Variants in AP5Z1 observed in about 807,000 individuals in gnomAD.
The protein encoded by AP5Z1 is AP-5 complex subunit zeta-1.
Under a neutral mutation model 83.0 loss-of-function variants are expected in AP5Z1, and 106 were observed. That is an observed-to-expected ratio of 1.28 (90% CI 1.09 to 1.50). The LOEUF is 1.50. AP5Z1 is among the 40% of genes most tolerant of loss of function. The probability of loss-of-function intolerance (pLI) is 0.00; values close to 1 mark genes in which losing one functional copy is unlikely to be tolerated. For synonymous variants in AP5Z1, 751 were observed against 514.1 expected (o/e 1.46, Z -6.23); for missense variants, 1,565 against 1,094.2 (o/e 1.43, Z -6.07).
At position 4,783,369 on chromosome 7, in the gene AP5Z1, G is replaced by A. The variant is rs776181756; in HGVS notation, c.420G>A (p.Leu140=). 130 of 1,612,968 alleles carry A rather than the reference G, an allele frequency of 8.1e-5. No homozygotes were observed. The highest frequency in any genetic ancestry group is 1.9e-5 in the Non-Finnish European group (22 of 1,179,802). The change falls in exon 4 of 17, where the codon CTG becomes CTA. Residue 140 remains leucine, a synonymous_variant. Transcript: ENST00000649063. ...TGGGCCAGGGCGTGCTACGAGCGCT[G>A]GAGAGCCGGCAGCCTGAGGGACCCA... is the stretch of plus-strand genomic sequence containing the variant. ...RAVGQGVLRA[L]ESRQPEGPSL... is the part of the protein sequence containing the mutation.
At chr7:4,776,070 C>A (rs973571827) in intron 1 of AP5Z1, among the ~76,000 whole-genome samples, 2 of 152,180 alleles carry the variant, frequency 1.3e-5, no homozygotes, top group Admixed American at 6.5e-5. Context: ...GGCAGGAAAT[C>A]GGGCAGCCGG....
At chr7:4,775,963 A>T (rs1411515093) in intron 1 of AP5Z1, among the ~76,000 whole-genome samples, 3 of 151,914 alleles carry the variant, frequency 2.0e-5, no homozygotes, top group African/African-American at 7.3e-5. Flanking sequence ...TCCCCGGAGG[A>T]GGTGACACTT....
At chr7:4,779,469 AT>A (rs1781322282) in intron 1 of AP5Z1, among the ~76,000 whole-genome samples, 5 of 146,328 alleles carry the variant, frequency 3.4e-5, no homozygotes, top group Non-Finnish European at 6.0e-5. Context: ...TATATATTAT[AT>A]TATATATATA....
rs762066700 is a variant in AP5Z1, at chr7:4,785,585, C to G, written c.1033C>G (p.Arg345Gly). 7 of 1,604,306 alleles carry G rather than the reference C, an allele frequency of 4.4e-6. No homozygotes were observed. Among genetic ancestry groups the G allele is most frequent in the Non-Finnish European group, 4.2e-6 (5 of 1,176,770 alleles). Residue 345 changes from arginine to glycine, a missense_variant, in exon 9 of 17, where the codon CGA becomes GGA. Arg to Gly is a moderately radical substitution (Grantham distance 125). Transcript: ENST00000649063. The stretch of plus-strand genomic sequence containing the variant: ...CCGGCAGGACCCGTCCTTCCTGTAC[C>G]GAAGTCTCTCCTGCCTGAAGGCCCT... The part of the protein sequence containing the change: ...LCRQDPSFLY[R>G]SLSCLKALHG...
rs932885728 is a variant in AP5Z1 at position 4,783,176 on chromosome 7, C to T, written c.367-140C>T. ...CCTTGTGGCCCGGGGTGGGCCTGCGCGGGACATCCTCCCTGCCACCTGCTA... is the reference window on the plus strand; with the variant it reads ...CCTTGTGGCCCGGGGTGGGCCTGCGTGGGACATCCTCCCTGCCACCTGCTA... On this transcript the variant is annotated intron_variant, in intron 3 of 16. Transcript: ENST00000649063. The T allele has an allele frequency of 1.9e-5, 25 of 1,319,638 alleles. No homozygotes were observed. The East Asian group carries it at 4.4e-4, about 23-fold the overall frequency. 81.7% of individuals were successfully genotyped at this position (1,319,638 alleles called of 1,614,324 possible). A position where few individuals can be genotyped will look rare whatever the true frequency, so the allele number is the denominator to read the frequency against.
chr7:4,783,252 G>A (rs1004699048), intron 3 of AP5Z1, 64 bp from the exon 4 acceptor site: 46 of 1,497,930 alleles, frequency 3.1e-5, no homozygotes, highest in South Asian at 9.0e-5. Context: ...ACAGACTTCC[G>A]AAATGGGGGA....
chr7:4,790,394 T>G (rs935432334), intron 14 of AP5Z1, 65 bp from the exon 15 acceptor site: 1 of 1,609,596 alleles, frequency 6.2e-7, no homozygotes, highest in African/African-American at 1.3e-5. Flanking sequence ...TCCAGGCCCT[T>G]GGCCTGGATG....
Position 4,786,396 on chromosome 7 carries a change from AC to A in AP5Z1, c.1282del (p.Leu428SerfsTer3). The A allele has an allele frequency of 6.2e-7, 1 of 1,613,786 alleles. No homozygotes were observed. Among genetic ancestry groups the A allele is most frequent in the Non-Finnish European group, 8.5e-7 (1 of 1,179,818 alleles). ...NLHLFSGHLS[T>X]LRLSFPNLFK... ...CCACCTGTTCAGCGGGCACCTCAGCACCCTCAGATTGAGCTTCCCCAACCTC... is the reference window on the plus strand; with the variant it reads ...CCACCTGTTCAGCGGGCACCTCAGCACCTCAGATTGAGCTTCCCCAACCTC... On this transcript the variant is annotated frameshift_variant, in exon 10 of 17. Transcript: ENST00000649063. LOFTEE classifies it high-confidence loss of function.
chr7:4,791,133 A>G lies in AP5Z1; in HGVS notation c.2172A>G (p.Ser724=). 1 of 1,603,146 alleles carries G rather than the reference A, an allele frequency of 6.2e-7. No homozygotes were observed. The highest frequency in any genetic ancestry group is 8.5e-7 in the Non-Finnish European group (1 of 1,174,164). ...TCCCCAGGGCCTCTTTATTGCTGTC[A>G]AAGATGAGGACCCTGGCTCACAGTC... is the stretch of plus-strand genomic sequence containing the variant. The part of the protein sequence containing the change: ...DLIPRASLLL[S]KMRTLAHSPA... The change falls in exon 17 of 17, where the codon TCA becomes TCG. Residue 724 remains serine (S), a synonymous_variant. Transcript: ENST00000649063.
In AP5Z1 at chr7:4,785,054, TCC is replaced by T; in HGVS notation, c.931+10_931+11del. 2 of 1,590,822 alleles carry T rather than the reference TCC, an allele frequency of 1.3e-6. No individual in the cohort carries two copies. The highest frequency in any genetic ancestry group is 1.7e-6 in the Non-Finnish European group (2 of 1,165,142). The stretch of plus-strand genomic sequence containing the variant: ...CATTGAGCAAAGTAACCGACGTGAG[TCC>T]CCCACCCAGGGCACTGGCCTCCCCA... On this transcript the variant is annotated splice_region_variant and intron_variant, in intron 7 of 16. Coordinates refer to ENST00000649063, the MANE Select transcript of AP5Z1 (RefSeq NM_014855.3).
rs61750324 is a variant in AP5Z1, at chr7:4,790,698, C to T, written c.1964C>T (p.Ser655Leu). The change falls in exon 16 of 17, where the codon TCG becomes TTG. Residue 655 changes from serine (S) to leucine (L), a missense_variant. Transcript: ENST00000649063. ...SVVWAIGEYL[S>L]VTYDRRCTVE... is the part of the protein sequence containing the mutation. ...GTGTGGGCCATCGGCGAGTACCTGT[C>T]GGTGACCTACGATCGGAGGTGCACC... 803 of 1,611,398 alleles carry T rather than the reference C, an allele frequency of 5.0e-4. 5 individuals are homozygous for T. The highest frequency in any genetic ancestry group is 6.4e-4 in the Non-Finnish European group (751 of 1,179,542).
chr7:4,787,467 C>T (rs970802644), intron 10 of AP5Z1, 167 bp from the exon 11 acceptor site: 3 of 1,046,232 alleles, frequency 2.9e-6, no homozygotes, highest in African/African-American at 1.6e-5. Context: ...GCCTGGGCGA[C>T]AGAGCAAGAC....
chr7:4,786,332 G>T lies in AP5Z1; in HGVS notation c.1215G>T (p.Met405Ile). 2 of 1,613,948 alleles carry T rather than the reference G, an allele frequency of 1.2e-6. No individual in the cohort carries two copies. The highest frequency in any genetic ancestry group is 1.7e-6 in the Non-Finnish European group (2 of 1,179,862). Residue 405 changes from methionine (M) to isoleucine (I), a missense_variant, in exon 10 of 17, where the codon ATG becomes ATT. Transcript: ENST00000649063. ...CGGTGGAGCAGTTCCACAGCCCCAT[G>T]CTGGCCTTTGAATTCATCCAGTTCT... The part of the protein sequence containing the change: ...RIPVEQFHSP[M>I]LAFEFIQFCR...
At chr7:4,789,598 G>A (rs1781681340) in intron 13 of AP5Z1, among the ~76,000 whole-genome samples, 1 of 152,234 alleles carries the variant, frequency 6.6e-6, no homozygotes, top group African/African-American at 2.4e-5. Flanking sequence ...TGGCAGAGGA[G>A]CCGTGGAACA....
intron 14 of AP5Z1, 182 bp from the exon 15 acceptor site, chr7:4,790,277 C>T: frequency 3.2e-6 from 5 of 1,543,610 alleles, no homozygotes; most frequent in African/African-American, 1.4e-5. Flanking sequence ...AGCGCTGGTG[C>T]CAGCCTTCTC....
rs1781451566 is a variant in AP5Z1 at position 4,783,760 on chromosome 7, C to T, written c.583C>T (p.His195Tyr). Residue 195 changes from histidine (H) to tyrosine (Y), a missense_variant, in exon 5 of 17, where the codon CAC becomes TAC. Coordinates refer to ENST00000649063, the MANE Select transcript of AP5Z1 (RefSeq NM_014855.3). ...RYASLQQGLP[H>Y]SGGFFSTPRA... ...CGCCAGCCTCCAGCAAGGGCTCCCA[C>T]ACTCCGGCGGCTTCTTCTCCACGCC... is the stretch of plus-strand genomic sequence containing the variant. 1.9e-6 allele frequency: 3 copies of T among 1,550,588 alleles called. No homozygotes were observed. Among genetic ancestry groups the T allele is most frequent in the African/African-American group, 1.4e-5 (1 of 73,062 alleles).
At chr7:4,789,390 C>T (rs1488360283) in intron 13 of AP5Z1, among the ~76,000 whole-genome samples, 1 of 152,102 alleles carries the variant, frequency 6.6e-6, no homozygotes, top group Non-Finnish European at 1.5e-5. Context: ...GATAATTCAG[C>T]ATCCCCATCT....
At chr7:4,777,979 G>T (rs1318412452) in intron 1 of AP5Z1, among the ~76,000 whole-genome samples, 2 of 152,248 alleles carry the variant, frequency 1.3e-5, no homozygotes, top group African/African-American at 4.8e-5. Flanking sequence ...AACACTTCGG[G>T]AGGCCGAGTT....
At chr7:4,780,939 G>A (rs1010113498) in intron 1 of AP5Z1, among the ~76,000 whole-genome samples, 3 of 152,158 alleles carry the variant, frequency 2.0e-5, no homozygotes, top group Admixed American at 1.3e-4. Context: ...TGGGGCCTCC[G>A]TGAGTGAGAT....
Sources: gnomAD v4.1 joint callset for allele counts (sites outside exome capture counted in the v4.1 genomes callset) on GRCh38, gnomAD v4.1.1 for gene constraint, MANE v1.5 for transcripts, NCBI Gene and HGNC (gene_info 2026-07-23, HGNC 2026-07-21) for gene names.